The following L3MBTL3 variants were observed in gnomAD, a reference collection of about 807,000 sequenced individuals.
The protein encoded by L3MBTL3 is L3MBTL histone methyl-lysine binding protein 3, also known as lethal(3)malignant brain tumor-like protein 3.
A neutral mutation model predicts 102.3 loss-of-function variants in L3MBTL3; 27 were observed. The ratio of observed to expected loss-of-function variants is 0.26; its 90% confidence interval spans 0.19 to 0.36. L3MBTL3 has a LOEUF of 0.36. L3MBTL3 is among the 10% of genes least tolerant of loss of function. The pLI is 1.00. For missense variants in L3MBTL3, 798 were observed against 955.3 expected (o/e 0.84, Z 2.17); for synonymous variants, 340 against 320.9 (o/e 1.06, Z -0.64).
chr6:130,104,912 T>A (rs748908744), intron 19 of L3MBTL3, among the ~76,000 whole-genome samples: 10 of 152,120 alleles, frequency 6.6e-5, no homozygotes, highest in Non-Finnish European at 1.5e-4. Flanking sequence ...TTACATAGAG[T>A]CAACCTTTAT....
At chr6:130,034,904 G>A (rs1779953509) in intron 2 of L3MBTL3, among the ~76,000 whole-genome samples, 2 of 152,214 alleles carry the variant, frequency 1.3e-5, no homozygotes, top group African/African-American at 4.8e-5. Flanking sequence ...GCATACCTGA[G>A]TTGTGGAGGA....
At chr6:130,052,737 T>A in intron 6 of L3MBTL3, 122 bp from the exon 7 acceptor site, 1 of 1,182,258 alleles carries the variant, frequency 8.5e-7, no homozygotes, top group Non-Finnish European at 1.2e-6. Context: ...TTTCTCCTGG[T>A]AGTTAAAGAT....
chr6:130,071,047 C>T lies in L3MBTL3; in HGVS notation c.1164C>T (p.Ile388=), dbSNP rs772014476. ...EAVDKKNPSF[I]CVATVTDMVD... Reference sequence around the variant, plus strand: ...TAGACAAAAAGAATCCCTCATTCATCTGTGTTGCTACGGTAACAGATATGG... The same window carrying T: ...TAGACAAAAAGAATCCCTCATTCATTTGTGTTGCTACGGTAACAGATATGG... Residue 388 remains isoleucine (I), a synonymous_variant, in exon 13 of 23, where the codon ATC becomes ATT. Coordinates refer to ENST00000361794, the MANE Select transcript of L3MBTL3 (RefSeq NM_032438.4). 72 of 1,613,130 alleles carry T rather than the reference C, an allele frequency of 4.5e-5. No individual in the cohort carries two copies. The highest frequency in any genetic ancestry group is 1.6e-4 in the Middle Eastern group (1 of 6,080).
chr6:130,036,380 A>G (rs1302940690), intron 2 of L3MBTL3, among the ~76,000 whole-genome samples: 1 of 152,222 alleles, frequency 6.6e-6, no homozygotes, highest in Non-Finnish European at 1.5e-5. Flanking sequence ...AAATATTTTT[A>G]TGCTATAATA....
rs1781075539 is a variant in L3MBTL3, at chr6:130,051,273, C to G, written c.314C>G (p.Pro105Arg). ...GTCTTTTCAGAGAAGACTGGGATGC[C>G]TTTCAGGTTGAAGGATCCAGTGAAA... The part of the protein sequence containing the change: ...PTVFSEKTGM[P>R]FRLKDPVKVE... Residue 105 changes from proline (P) to arginine (R), a missense_variant, in exon 6 of 23, where the codon CCT (proline) becomes CGT (arginine). Coordinates refer to ENST00000361794, the MANE Select transcript of L3MBTL3 (RefSeq NM_032438.4). 3.1e-6 allele frequency: 5 copies of G among 1,613,680 alleles called. No homozygotes were observed. The highest frequency in any genetic ancestry group is 4.2e-6 in the Non-Finnish European group (5 of 1,179,700).
chr6:130,075,060 G>A (rs571271680), intron 13 of L3MBTL3, among the ~76,000 whole-genome samples: 1 of 152,232 alleles, frequency 6.6e-6, no homozygotes, highest in East Asian at 1.9e-4. Context: ...GTCACTATTT[G>A]GTTAAATTTG....
chr6:130,118,362 T>A (rs778697629), intron 19 of L3MBTL3, among the ~76,000 whole-genome samples: 2 of 152,236 alleles, frequency 1.3e-5, no homozygotes, highest in Admixed American at 6.5e-5. Flanking sequence ...GCTCATACTG[T>A]GTTCTTAAGA....
intron 19 of L3MBTL3, among the ~76,000 whole-genome samples, chr6:130,118,861 G>T (rs1203433448): frequency 1.3e-5 from 2 of 151,908 alleles, no homozygotes; most frequent in Non-Finnish European, 2.9e-5. Flanking sequence ...AAATTTTTTG[G>T]GTCAAAGATT....
chr6:130,049,957 A>G, intron 5 of L3MBTL3, 127 bp downstream of exon 5: 1 of 1,179,962 alleles, frequency 8.5e-7, no homozygotes, highest in South Asian at 1.8e-5. Flanking sequence ...CCAGTGGACA[A>G]GCAAGAAACA....
Position 130,133,944 on chromosome 6 carries a change from G to A in L3MBTL3, c.2199+39G>A. On this transcript the variant is annotated intron_variant, in intron 22 of 22. Coordinates refer to ENST00000361794, the MANE Select transcript of L3MBTL3 (RefSeq NM_032438.4). The surrounding 1 kb of genome is among the most constrained non-coding windows in gnomAD (Gnocchi z 4.9). ...TAAATTGCAATATGTTACTTAATGG[G>A]ATCAAAGCACTGAAATGCAGTGGAA... is the stretch of plus-strand genomic sequence containing the variant. 2 of 1,472,162 alleles carry A rather than the reference G, an allele frequency of 1.4e-6. No individual in the cohort carries two copies. Among genetic ancestry groups the A allele is most frequent in the Non-Finnish European group, 1.9e-6 (2 of 1,052,306 alleles). 91.2% of individuals were successfully genotyped at this position (1,472,162 alleles called of 1,614,324 possible).
At chr6:130,103,359 T>A (rs1393155694) in intron 18 of L3MBTL3, among the ~76,000 whole-genome samples, 1 of 152,358 alleles carries the variant, frequency 6.6e-6, no homozygotes, top group South Asian at 2.1e-4. Context: ...ATCTGTGATA[T>A]ATCTTATAGG....
chr6:130,084,363 TA>T (rs1271355374), intron 15 of L3MBTL3, among the ~76,000 whole-genome samples: 1 of 148,774 alleles, frequency 6.7e-6, no homozygotes, highest in Non-Finnish European at 1.5e-5. Flanking sequence ...ATCAAATATT[TA>T]TTTTTTTAAA....
At chr6:130,029,520 T>A (rs529193650) in intron 2 of L3MBTL3, among the ~76,000 whole-genome samples, 164 of 152,120 alleles carry the variant, frequency 1.1e-3, no homozygotes, top group Non-Finnish European at 2.0e-3. Flanking sequence ...GGCAGTTAAA[T>A]TTTTTTTCTT....
chr6:130,029,062 A>G (rs6925567), intron 2 of L3MBTL3, among the ~76,000 whole-genome samples: 6,525 of 152,202 alleles, frequency 0.043, 344 homozygotes, highest in African/African-American at 0.13. Context: ...ATCAATACCT[A>G]CTATAGATAT....
intron 2 of L3MBTL3, among the ~76,000 whole-genome samples, chr6:130,032,372 C>T (rs1239713443): frequency 6.6e-6 from 1 of 152,064 alleles, no homozygotes; most frequent in Admixed American, 6.6e-5. Context: ...GTGTTTGAGC[C>T]CAGGTGGTTG....
chr6:130,055,700 T>TTCTCTCTC (rs371510182), intron 8 of L3MBTL3, among the ~76,000 whole-genome samples: 1 of 132,188 alleles, frequency 7.6e-6, no homozygotes, highest in African/African-American at 2.8e-5. Flanking sequence ...CCCTCTCTCT[T>TTCTCTCTC]TCTCTCTCTC....
At chr6:130,119,411 A>G (rs188921931) in intron 19 of L3MBTL3, among the ~76,000 whole-genome samples, 23 of 152,226 alleles carry the variant, frequency 1.5e-4, no homozygotes, top group Non-Finnish European at 2.4e-4. Context: ...TAATTTTAGC[A>G]TGGTAAGCTA....
At position 130,140,095 on chromosome 6, in the gene L3MBTL3, CATT is replaced by C. The variant is rs1788141786; in HGVS notation, c.*343_*345del. 1 of 190,440 alleles carries C rather than the reference CATT, an allele frequency of 5.3e-6. No homozygotes were observed. The highest frequency in any genetic ancestry group is 1.6e-4 in the East Asian group (1 of 6,314). The allele number at this position is 190,440 out of a possible 1,614,324, so 11.8% of individuals were successfully genotyped here. On this transcript the variant is annotated 3_prime_UTR_variant, in exon 23 of 23. Transcript: ENST00000361794. ...GTAAGAACTTTTGGCATTTTGTAAA[CATT>C]GTTGAATTCTCTTTCATGTACACTG...
At chr6:130,029,282 GGAT>G (rs532804564) in intron 2 of L3MBTL3, among the ~76,000 whole-genome samples, 210 of 152,248 alleles carry the variant, frequency 1.4e-3, no homozygotes, top group Admixed American at 2.4e-3. Context: ...GCCCCTTTGG[GGAT>G]GATGACGCAG....
Sources: allele counts gnomAD v4.1 joint callset (sites outside exome capture counted in the v4.1 genomes callset), GRCh38; gene constraint gnomAD v4.1.1; non-coding constraint Gnocchi (gnomAD v3.1); transcripts MANE v1.5; gene names NCBI Gene and HGNC (gene_info 2026-07-23, HGNC 2026-07-21).